DLG2: variants seen among roughly 807,000 people sequenced by gnomAD.
DLG2 encodes the protein disks large homolog 2.
Under a neutral mutation model 132.5 loss-of-function variants are expected in DLG2, and 45 were observed. The ratio of observed to expected loss-of-function variants is 0.34; its 90% CI spans 0.27 to 0.44. The LOEUF (loss-of-function observed/expected upper bound fraction) is 0.44. DLG2 is among the 20% of genes least tolerant of loss of function. DLG2 has a pLI of 1.00. For missense variants in DLG2, 1,045 were observed against 1,196.9 expected (o/e 0.87, Z 1.87); for synonymous variants, 424 against 419.6 (o/e 1.01, Z -0.13).
intron 3 of DLG2, among the ~76,000 whole-genome samples, chr11:85,386,597 T>A (rs1166252821): frequency 6.6e-6 from 1 of 152,166 alleles, no homozygotes; most frequent in Non-Finnish European, 1.5e-5. Flanking sequence ...GATTTTTATA[T>A]GATAATTATT....
chr11:84,479,792 G>C (rs2099131764), intron 7 of DLG2, among the ~76,000 whole-genome samples: 1 of 152,056 alleles, frequency 6.6e-6, no homozygotes, highest in Non-Finnish European at 1.5e-5. Context: ...GGAAGACTTA[G>C]TTTAAAGGAA....
At chr11:85,114,460 C>T (rs1223630339) in intron 5 of DLG2, among the ~76,000 whole-genome samples, 2 of 152,000 alleles carry the variant, frequency 1.3e-5, no homozygotes, top group African/African-American at 4.8e-5. Context: ...TTCCTTCTGT[C>T]TCATTCATCT....
chr11:84,218,934 A>G (rs1402253797), intron 8 of DLG2, among the ~76,000 whole-genome samples: 2 of 152,160 alleles, frequency 1.3e-5, no homozygotes, highest in African/African-American at 4.8e-5. Context: ...TGAGAGAAAA[A>G]TATTTTTCTA....
At chr11:83,899,145 T>C (rs1026823744) in intron 15 of DLG2, among the ~76,000 whole-genome samples, 3 of 151,606 alleles carry the variant, frequency 2.0e-5, no homozygotes, top group Admixed American at 2.0e-4. Flanking sequence ...TGACTTACTC[T>C]TGTTGCTAAA....
intron 7 of DLG2, among the ~76,000 whole-genome samples, chr11:84,281,935 A>C (rs1356730146): frequency 2.0e-5 from 3 of 152,178 alleles, no homozygotes; most frequent in Non-Finnish European, 4.4e-5. Flanking sequence ...AAAATTGTAC[A>C]ACCCCTTTGG....
At chr11:84,087,661 G>T (rs2097011903) in intron 10 of DLG2, among the ~76,000 whole-genome samples, 1 of 152,166 alleles carries the variant, frequency 6.6e-6, no homozygotes, top group Admixed American at 6.6e-5. Flanking sequence ...TCCTTATAAA[G>T]AAGAGTTAGT....
chr11:85,198,303 A>C (rs2081208880), intron 4 of DLG2, among the ~76,000 whole-genome samples: 1 of 152,134 alleles, frequency 6.6e-6, no homozygotes, highest in African/African-American at 2.4e-5. Context: ...GATTTTCTTA[A>C]ACATTTGAAG....
intron 7 of DLG2, among the ~76,000 whole-genome samples, chr11:84,358,363 A>ATTTT (rs770602681): frequency 4.9e-5 from 6 of 121,476 alleles, no homozygotes; most frequent in African/African-American, 1.5e-4. Context: ...AAGTCCCAGT[A>ATTTT]TTTTTTTTTT....
At chr11:84,801,867 C>A (rs1484403468) in intron 6 of DLG2, among the ~76,000 whole-genome samples, 4 of 152,136 alleles carry the variant, frequency 2.6e-5, no homozygotes, top group Non-Finnish European at 5.9e-5. Context: ...TAATTGGGGA[C>A]AAATTTGGTA....
At chr11:84,968,146 A>G (rs887030092) in intron 6 of DLG2, among the ~76,000 whole-genome samples, 1 of 152,226 alleles carries the variant, frequency 6.6e-6, no homozygotes, top group Non-Finnish European at 1.5e-5. Context: ...TTAAATAGCC[A>G]TAAGACATCC....
At chr11:84,299,241 T>G (rs2098126548) in intron 7 of DLG2, among the ~76,000 whole-genome samples, 1 of 152,176 alleles carries the variant, frequency 6.6e-6, no homozygotes, top group Non-Finnish European at 1.5e-5. Flanking sequence ...TTTAAATGAT[T>G]TGAAGTTGTT....
At chr11:83,973,676 C>A (rs1476423021) in intron 12 of DLG2, among the ~76,000 whole-genome samples, 1 of 151,962 alleles carries the variant, frequency 6.6e-6, no homozygotes, top group African/African-American at 2.4e-5. Context: ...CTTAACCCGG[C>A]TGCACATTAA....
At chr11:83,461,851 A>G (rs1425377729) in intron 27 of DLG2, 151 bp downstream of exon 27, 23 of 596,916 alleles carry the variant, frequency 3.9e-5, no homozygotes, top group Non-Finnish European at 6.7e-5. Flanking sequence ...TGGGTGAAGC[A>G]GAGGGATACT....
intron 19 of DLG2, among the ~76,000 whole-genome samples, chr11:83,600,610 C>T (rs905002390): frequency 6.6e-6 from 1 of 152,200 alleles, no homozygotes; most frequent in African/African-American, 2.4e-5. Flanking sequence ...AGCAAATACA[C>T]GGCCCTCCTG....
chr11:83,583,949 T>C (rs643835), intron 19 of DLG2, among the ~76,000 whole-genome samples: 69,299 of 152,042 alleles, frequency 0.46, 16,223 homozygotes, highest in Admixed American at 0.57. Context: ...TCAGGCTCCA[T>C]TGAATCATGA....
chr11:84,998,343 G>T (rs187263562), intron 6 of DLG2, among the ~76,000 whole-genome samples: 3 of 151,922 alleles, frequency 2.0e-5, no homozygotes, highest in Non-Finnish European at 4.4e-5. Context: ...ATAAGCATCC[G>T]ACATTTCCCA....
At chr11:84,221,869 T>G (rs1051962164) in intron 8 of DLG2, among the ~76,000 whole-genome samples, 4 of 152,048 alleles carry the variant, frequency 2.6e-5, no homozygotes, top group Non-Finnish European at 5.9e-5. Context: ...ACATTAAAAT[T>G]GAAATATATA....
At chr11:84,667,708 A>C (rs1413071841) in intron 6 of DLG2, among the ~76,000 whole-genome samples, 2 of 151,874 alleles carry the variant, frequency 1.3e-5, no homozygotes, top group African/African-American at 4.8e-5. Flanking sequence ...CATGTTGGCC[A>C]GGCTGGTTTT....
intron 6 of DLG2, among the ~76,000 whole-genome samples, chr11:85,099,926 CTAAAG>C (rs778482432): frequency 2.6e-4 from 40 of 152,266 alleles, no homozygotes; most frequent in Middle Eastern, 3.4e-3. Flanking sequence ...ACTTGCGCTT[CTAAAG>C]GCTCCTTCAT....
Sources: allele counts gnomAD v4.1 joint callset (sites outside exome capture counted in the v4.1 genomes callset), GRCh38; gene constraint gnomAD v4.1.1; transcripts MANE v1.5; gene names NCBI Gene and HGNC (gene_info 2026-07-23, HGNC 2026-07-21).